DACH2: variants seen among roughly 807,000 people sequenced by gnomAD.
DACH2 encodes dachshund homolog 2.
Under a neutral mutation model 35.8 loss-of-function variants are expected in DACH2, and 17 were observed. The ratio of observed to expected loss-of-function variants is 0.48; its 90% confidence interval spans 0.33 to 0.71. The LOEUF (loss-of-function observed/expected upper bound fraction) is 0.71. DACH2 is among the 30% of genes least tolerant of loss of function. DACH2 has a pLI of 0.02. For missense variants in DACH2, 469 were observed against 472.7 expected (o/e 0.99, Z 0.07); for synonymous variants, 195 against 177.3 (o/e 1.10, Z -0.79).
intron 1 of DACH2, among the ~76,000 whole-genome samples, chrX:86,238,643 T>C (rs1300462887): frequency 9.0e-6 from 1 of 111,097 alleles, no homozygotes; most frequent in Admixed American, 9.7e-5. Flanking sequence ...AAAATTGCTC[T>C]CTGCCTCTCT....
chrX:86,301,585 A>G (rs1310138418), intron 1 of DACH2, among the ~76,000 whole-genome samples: 2 of 111,830 alleles, frequency 1.8e-5, no homozygotes, highest in African/African-American at 6.5e-5. Context: ...CTGAAAGTGT[A>G]CAACTACCTC....
chrX:86,531,026 A>G (rs1453024658), intron 3 of DACH2, among the ~76,000 whole-genome samples: 1 of 111,740 alleles, frequency 8.9e-6, no homozygotes, highest in African/African-American at 3.3e-5. Flanking sequence ...CTTAAAAGAG[A>G]TTATTTAGGG....
chrX:86,667,533 GAAAGAAAGAAAGAAGAAAGAAAGA>G (rs1413087654), intron 4 of DACH2, among the ~76,000 whole-genome samples: 300 of 60,000 alleles, frequency 5.0e-3, no homozygotes, highest in African/African-American at 0.014. Flanking sequence ...AAGAAAGAAA[GAAAGAAAGAAAGAAGAAAGAAAGA>G]AAGAAAGAAA....
intron 5 of DACH2, among the ~76,000 whole-genome samples, chrX:86,695,515 C>T (rs1332153511): frequency 6.0e-5 from 6 of 99,546 alleles, no homozygotes; most frequent in Non-Finnish European, 1.2e-4. Context: ...GTTTTGAATT[C>T]TTTTTTTTTT....
At chrX:86,814,650 A>G in intron 9 of DACH2, 38 bp from the exon 10 acceptor site, 1 of 1,192,478 alleles carries the variant, frequency 8.4e-7, no homozygotes, top group Non-Finnish European at 1.1e-6. Flanking sequence ...TCCCTATTTC[A>G]TTGCTCAAGT....
At chrX:86,575,434 T>TAAC (rs2039425407) in intron 3 of DACH2, among the ~76,000 whole-genome samples, 1 of 111,315 alleles carries the variant, frequency 9.0e-6, no homozygotes, top group Admixed American at 9.6e-5. Context: ...TTGCATTGTA[T>TAAC]ATGCCATTTA....
At chrX:86,715,105 AC>A (rs1240759695) in intron 6 of DACH2, among the ~76,000 whole-genome samples, 1 of 111,209 alleles carries the variant, frequency 9.0e-6, no homozygotes, top group Non-Finnish European at 1.9e-5. Flanking sequence ...AACATACAGG[AC>A]TTATAGTCAG....
chrX:86,477,292 C>A (rs1471570986), intron 2 of DACH2, among the ~76,000 whole-genome samples: 1 of 102,952 alleles, frequency 9.7e-6, no homozygotes, highest in African/African-American at 3.5e-5. Context: ...CTCTCTTTAG[C>A]TCTAATAATA....
intron 1 of DACH2, among the ~76,000 whole-genome samples, chrX:86,151,882 A>G (rs1296185466): frequency 9.0e-6 from 1 of 110,793 alleles, no homozygotes; most frequent in Non-Finnish European, 1.9e-5. Context: ...CCAGTGAGAG[A>G]GTAGAAATGC....
At chrX:86,369,240 T>C (rs1213823618) in intron 1 of DACH2, among the ~76,000 whole-genome samples, 1 of 111,202 alleles carries the variant, frequency 9.0e-6, no homozygotes, top group East Asian at 2.8e-4. Flanking sequence ...GTCTCTTAAT[T>C]GGTAAGGAAC....
intron 1 of DACH2, among the ~76,000 whole-genome samples, chrX:86,331,253 C>T (rs899647347): frequency 4.5e-5 from 5 of 110,437 alleles, no homozygotes; most frequent in South Asian, 3.8e-4. Context: ...TTACAAGAGT[C>T]GAGGCTGTCG....
chrX:86,388,855 G>T (rs1439893029), intron 2 of DACH2, among the ~76,000 whole-genome samples: 1 of 111,702 alleles, frequency 9.0e-6, no homozygotes, highest in Non-Finnish European at 1.9e-5. Flanking sequence ...GTTGGTCGGA[G>T]TCAGAAATTC....
At chrX:86,294,193 C>A (rs1191591751) in intron 1 of DACH2, among the ~76,000 whole-genome samples, 1 of 111,743 alleles carries the variant, frequency 8.9e-6, no homozygotes, top group Non-Finnish European at 1.9e-5. Flanking sequence ...ATCACTGATA[C>A]GCTTTCTTCC....
chrX:86,627,896 C>T (rs549529155), intron 3 of DACH2, among the ~76,000 whole-genome samples: 119 of 112,286 alleles, frequency 1.1e-3, no homozygotes, highest in South Asian at 2.2e-3. Flanking sequence ...CAAAGGCAAA[C>T]ACTTTCAGTG....
intron 3 of DACH2, among the ~76,000 whole-genome samples, chrX:86,542,230 G>T (rs2038894190): frequency 9.0e-6 from 1 of 111,265 alleles, no homozygotes; most frequent in Admixed American, 9.6e-5. Flanking sequence ...AATATGGTTT[G>T]TCCCCACCAT....
intron 3 of DACH2, among the ~76,000 whole-genome samples, chrX:86,525,339 T>C (rs1177658028): frequency 2.7e-5 from 3 of 112,135 alleles, no homozygotes; most frequent in African/African-American, 9.7e-5. Flanking sequence ...TTATCTGTCG[T>C]TGATCATATA....
intron 4 of DACH2, among the ~76,000 whole-genome samples, chrX:86,657,008 G>A (rs1417962186): frequency 2.8e-5 from 3 of 106,383 alleles, no homozygotes; most frequent in Non-Finnish European, 3.9e-5. Flanking sequence ...GACAAACTTT[G>A]CATATTCTCA....
chrX:86,407,649 G>C (rs999410976), intron 2 of DACH2, among the ~76,000 whole-genome samples: 2 of 112,200 alleles, frequency 1.8e-5, no homozygotes, highest in East Asian at 2.8e-4. Context: ...AGATAGAAAG[G>C]CTGATGAGTT....
chrX:86,483,570 C>T (rs927302335), intron 2 of DACH2, among the ~76,000 whole-genome samples: 2 of 111,119 alleles, frequency 1.8e-5, no homozygotes, highest in Non-Finnish European at 3.8e-5. Context: ...GTGGCTCGTG[C>T]CTGTTGTCCC....
Sources: gnomAD v4.1 joint callset for allele counts (sites outside exome capture counted in the v4.1 genomes callset) on GRCh38, gnomAD v4.1.1 for gene constraint, MANE v1.5 for transcripts, NCBI Gene and HGNC (gene_info 2026-07-23, HGNC 2026-07-21) for gene names.